The following NELL1 variants were observed in gnomAD, a reference collection of about 807,000 sequenced individuals.
NELL1 encodes protein kinase C-binding protein NELL1.
NELL1 carries 76 observed loss-of-function variants against 107.4 expected under a neutral mutation model. The observed-to-expected ratio is 0.71, with a 90% CI of 0.59 to 0.86. NELL1 has a LOEUF of 0.86. NELL1 is among the 40% of genes least tolerant of loss of function. NELL1 has a pLI of 0.00. For synonymous variants in NELL1, 353 were observed against 341.2 expected (o/e 1.03, Z -0.38); for missense variants, 1,024 against 1,005.5 (o/e 1.02, Z -0.25).
rs1854405661 is a variant in NELL1 at position 20,689,648 on chromosome 11, G to A, written c.184+11588G>A. Among the ~76,000 whole-genome samples the A allele has an allele frequency of 6.1e-5, 9 of 148,156 alleles. No homozygotes were observed. The South Asian group carries it at 2.0e-3, about 32-fold the overall frequency. On this transcript the variant is annotated intron_variant, in intron 2 of 19. Transcript: ENST00000357134. Reference sequence around the variant, plus strand: ...TTTTATGGCTGCATAGTATTCCATGGTGTATATGTGCCACATTTTCTTAAT... The same window carrying A: ...TTTTATGGCTGCATAGTATTCCATGATGTATATGTGCCACATTTTCTTAAT...
intron 3 of NELL1, among the ~76,000 whole-genome samples, chr11:20,803,904 T>A (rs1857329169): frequency 6.6e-6 from 1 of 152,132 alleles, no homozygotes; most frequent in Non-Finnish European, 1.5e-5. Flanking sequence ...TGGCCTAGCC[T>A]CCCAGCCTAC....
chr11:21,127,605 A>G (rs11025936), intron 13 of NELL1, among the ~76,000 whole-genome samples: 1 of 129,906 alleles, frequency 7.7e-6, no homozygotes, highest in Admixed American at 8.2e-5. Context: ...AAGAGGAAGA[A>G]GAGGAAGAGG....
At chr11:20,709,706 A>T (rs1252730959) in intron 2 of NELL1, among the ~76,000 whole-genome samples, 1 of 152,152 alleles carries the variant, frequency 6.6e-6, no homozygotes, top group African/African-American at 2.4e-5. Context: ...TGTGTCATCA[A>T]TAATTTCTTT....
At chr11:20,995,055 G>A (rs1400368) in intron 12 of NELL1, among the ~76,000 whole-genome samples, 4,196 of 152,000 alleles carry the variant, frequency 0.028, 167 homozygotes, top group African/African-American at 0.092. Context: ...CTCCTCACCT[G>A]CATGATGTTA....
At chr11:20,975,758 TTATA>T (rs1466759478) in intron 12 of NELL1, among the ~76,000 whole-genome samples, 1 of 128,790 alleles carries the variant, frequency 7.8e-6, no homozygotes, top group Non-Finnish European at 1.6e-5. Context: ...AATATACATA[TTATA>T]TATGTATTAT....
intron 12 of NELL1, among the ~76,000 whole-genome samples, chr11:21,112,751 A>G (rs1855137216): frequency 6.6e-6 from 1 of 152,060 alleles, no homozygotes; most frequent in African/African-American, 2.4e-5. Context: ...ATAGACTATT[A>G]ATCAGCAGAA....
intron 5 of NELL1, among the ~76,000 whole-genome samples, chr11:20,892,386 C>T (rs1232300812): frequency 6.6e-6 from 1 of 152,148 alleles, no homozygotes; most frequent in African/African-American, 2.4e-5. Flanking sequence ...AATGAGATAC[C>T]ATCTCATACC....
At position 20,687,045 on chromosome 11, in the gene NELL1, C is replaced by CTT. The variant is rs59411780; in HGVS notation, c.184+8997_184+8998dup. 4.4e-3 allele frequency among the ~76,000 whole-genome samples: 569 copies of CTT among 128,992 alleles called. 4 individuals carry two copies. The highest frequency in any genetic ancestry group is 7.3e-3 in the African/African-American group (260 of 35,734). The allele number at this position is 128,992 out of a possible 152,430, so 84.6% of individuals were successfully genotyped here. On this transcript the variant is annotated intron_variant, in intron 2 of 19. Coordinates refer to ENST00000357134, the MANE Select transcript of NELL1 (RefSeq NM_006157.5). ...TCTGTTTTGGGATCTCTCTCTCTCT[C>CTT]TTTTTTTTTTTTTCAAATTTTTAGT...
At chr11:21,312,986 G>C (rs1188560479) in intron 14 of NELL1, among the ~76,000 whole-genome samples, 1 of 151,878 alleles carries the variant, frequency 6.6e-6, no homozygotes, top group Admixed American at 6.6e-5. Flanking sequence ...TGAGGTGCAA[G>C]AATCCCTTGA....
chr11:20,695,278 C>G (rs1183434680), intron 2 of NELL1, among the ~76,000 whole-genome samples: 1 of 152,036 alleles, frequency 6.6e-6, no homozygotes. Flanking sequence ...ATTTGGATGC[C>G]TTTAATGTCT....
rs139705766 is a variant in NELL1, at chr11:21,129,859, G to A, written c.1426+16145G>A. On this transcript the variant is annotated intron_variant, in intron 13 of 19. Coordinates refer to ENST00000357134, the MANE Select transcript of NELL1 (RefSeq NM_006157.5). ...GTGGTGATGGCTGTACAATATAAAT[G>A]TGCTTAATACCACTGAATTGTGCAC... Among the ~76,000 whole-genome samples the A allele has an allele frequency of 5.3e-3, 814 of 152,312 alleles. 6 individuals are homozygous for A. Among genetic ancestry groups the A allele is most frequent in the Middle Eastern group, 0.044 (13 of 294 alleles).
At chr11:21,137,038 T>G (rs2133766182) in intron 13 of NELL1, among the ~76,000 whole-genome samples, 1 of 152,286 alleles carries the variant, frequency 6.6e-6, no homozygotes, top group South Asian at 2.1e-4. Flanking sequence ...TGCCCAACTC[T>G]TACAGAAGAG....
intron 12 of NELL1, among the ~76,000 whole-genome samples, chr11:21,018,384 G>A (rs1852618946): frequency 6.6e-6 from 1 of 152,222 alleles, no homozygotes; most frequent in African/African-American, 2.4e-5. Context: ...TAAGAGCTGT[G>A]CTGCAGTTTA....
chr11:21,375,151 T>A (rs575349095), intron 15 of NELL1, among the ~76,000 whole-genome samples: 1 of 152,100 alleles, frequency 6.6e-6, no homozygotes, highest in Non-Finnish European at 1.5e-5. Flanking sequence ...AGTAATCCTG[T>A]CACTTAGGTA....
intron 12 of NELL1, among the ~76,000 whole-genome samples, chr11:21,101,935 C>A (rs1303232444): frequency 1.3e-5 from 2 of 152,140 alleles, no homozygotes; most frequent in African/African-American, 4.8e-5. Context: ...GTGGCGTGAT[C>A]TTGGCCTCCC....
intron 13 of NELL1, among the ~76,000 whole-genome samples, chr11:21,127,518 A>G (rs1291524607): frequency 6.6e-6 from 1 of 152,042 alleles, no homozygotes; most frequent in Non-Finnish European, 1.5e-5. Flanking sequence ...CATGAAGCTG[A>G]GGAAGAGGAT....
At chr11:21,106,646 G>A (rs1854976912) in intron 12 of NELL1, among the ~76,000 whole-genome samples, 2 of 152,208 alleles carry the variant, frequency 1.3e-5, no homozygotes, top group African/African-American at 4.8e-5. Context: ...GAGATAGCTG[G>A]CTTTCTGTGT....
chr11:21,187,369 G>T (rs748316834), intron 13 of NELL1, among the ~76,000 whole-genome samples: 5 of 151,802 alleles, frequency 3.3e-5, no homozygotes, highest in African/African-American at 7.3e-5. Context: ...GGCTAGAAAA[G>T]GGTGGAAGAT....
intron 2 of NELL1, among the ~76,000 whole-genome samples, chr11:20,716,918 A>G (rs1855265100): frequency 6.6e-6 from 1 of 152,088 alleles, no homozygotes; most frequent in Admixed American, 6.5e-5. Flanking sequence ...GCATAATACA[A>G]ATGGATTCCT....
Sources: allele counts gnomAD v4.1 joint callset (sites outside exome capture counted in the v4.1 genomes callset), GRCh38; gene constraint gnomAD v4.1.1; transcripts MANE v1.5; gene names NCBI Gene and HGNC (gene_info 2026-07-23, HGNC 2026-07-21).